DNAAF4: variants seen among roughly 807,000 people sequenced by gnomAD.
DNAAF4 encodes the protein dynein axonemal assembly factor 4.
DNAAF4 carries 43 observed loss-of-function variants against 51.8 expected under a neutral mutation model. The ratio of observed to expected loss-of-function variants is 0.83; its 90% CI spans 0.65 to 1.07. The LOEUF (loss-of-function observed/expected upper bound fraction) is 1.07. Among genes scored for constraint, DNAAF4 ranks in the 50% least tolerant of loss-of-function variants. DNAAF4 has a pLI of 0.00. For missense variants in DNAAF4, 581 were observed against 493.0 expected (o/e 1.18, Z -1.69); for synonymous variants, 194 against 165.6 (o/e 1.17, Z -1.32).
intron 3 of DNAAF4, among the ~76,000 whole-genome samples, chr15:55,492,094 C>G (rs1276644476): frequency 6.6e-6 from 1 of 151,722 alleles, no homozygotes; most frequent in Non-Finnish European, 1.5e-5. Context: ...TGGGCTCAAG[C>G]GATGCTCCTA....
At chr15:55,503,317 C>T (rs8043380) in intron 1 of DNAAF4, among the ~76,000 whole-genome samples, 42,952 of 152,008 alleles carry the variant, frequency 0.28, 9,466 homozygotes, top group African/African-American at 0.62. Flanking sequence ...CAGGACCAGA[C>T]GGATTCAGAG....
chr15:55,472,424 C>G (rs2058268329), intron 4 of DNAAF4, among the ~76,000 whole-genome samples: 1 of 152,072 alleles, frequency 6.6e-6, no homozygotes, highest in South Asian at 2.1e-4. Context: ...TCAAGAACAA[C>G]CTGGCCAACA....
At chr15:55,439,440 T>C (rs1268664768) in intron 7 of DNAAF4, 32 bp downstream of exon 7, 1 of 1,553,706 alleles carries the variant, frequency 6.4e-7, no homozygotes, top group Non-Finnish European at 8.9e-7. Flanking sequence ...TCATACATGA[T>C]AAAGCTCATG....
At chr15:55,438,223 C>T (rs1455741162) in intron 7 of DNAAF4, among the ~76,000 whole-genome samples, 5 of 151,822 alleles carry the variant, frequency 3.3e-5, no homozygotes, top group South Asian at 2.1e-4. Flanking sequence ...TGGTGGCAGG[C>T]GCCTGTAATC....
At chr15:55,497,648 T>G in intron 3 of DNAAF4, 64 bp downstream of exon 3, 5 of 1,529,212 alleles carry the variant, frequency 3.3e-6, no homozygotes, top group Non-Finnish European at 4.4e-6. Flanking sequence ...CAAAATAAAA[T>G]TTTTTAAAAG....
intron 4 of DNAAF4, among the ~76,000 whole-genome samples, chr15:55,489,048 C>T (rs769237913): frequency 1.3e-5 from 2 of 151,192 alleles, no homozygotes; most frequent in African/African-American, 4.9e-5. Context: ...GAGATTGCGC[C>T]GCTGCACTCC....
At chr15:55,423,743 AG>A (rs2057407245) in intron 7 of DNAAF4, among the ~76,000 whole-genome samples, 1 of 152,148 alleles carries the variant, frequency 6.6e-6, no homozygotes, top group Non-Finnish European at 1.5e-5. Flanking sequence ...ACTTAAGATA[AG>A]GAGTGCGAGA....
chr15:55,441,569 C>G (rs1162832982), intron 6 of DNAAF4, among the ~76,000 whole-genome samples: 1 of 151,508 alleles, frequency 6.6e-6, no homozygotes, highest in Non-Finnish European at 1.5e-5. Flanking sequence ...CCCCCTCCCA[C>G]CACCCCACAA....
Position 55,430,641 on chromosome 15 carries a change from T to G in DNAAF4, c.*29A>C. The G allele has an allele frequency of 6.2e-7, 1 of 1,602,420 alleles. No individual in the cohort carries two copies. Among genetic ancestry groups the G allele is most frequent in the South Asian group, 1.1e-5 (1 of 89,510 alleles). ...CCTCCAGTTGTTTTTAAAAAACTTA[T>G]AACAATACTTAGTTACTTCTAATAG... On this transcript the variant is annotated 3_prime_UTR_variant, in exon 10 of 10. Transcript: ENST00000321149.
chr15:55,447,864 G>GAGAGGAC (rs2057862402), intron 6 of DNAAF4, among the ~76,000 whole-genome samples: 1 of 131,756 alleles, frequency 7.6e-6, no homozygotes, highest in Non-Finnish European at 1.7e-5. Context: ...GGGGAGAGGG[G>GAGAGGAC]AGAGGGGAGA....
exon 8 of DNAAF4, chr15:55,417,864 G>C (rs1212989443): frequency 8.8e-6 from 3 of 339,282 alleles, no homozygotes; most frequent in African/African-American, 6.5e-5. Flanking sequence ...GATTTGGGTA[G>C]GTAATGGAAA....
intron 8 of DNAAF4, among the ~76,000 whole-genome samples, chr15:55,433,324 G>T (rs905216397): frequency 6.6e-6 from 1 of 151,968 alleles, no homozygotes; most frequent in Non-Finnish European, 1.5e-5. Context: ...CACACAAAAG[G>T]CCTCGGCCGG....
intron 4 of DNAAF4, among the ~76,000 whole-genome samples, chr15:55,475,017 C>CAT (rs1369036013): frequency 1.3e-5 from 2 of 151,976 alleles, no homozygotes; most frequent in Non-Finnish European, 2.9e-5. Flanking sequence ...ATAAGCAAGT[C>CAT]ATATATGTGT....
intron 4 of DNAAF4, among the ~76,000 whole-genome samples, chr15:55,481,812 C>T (rs1047779112): frequency 6.6e-6 from 1 of 152,196 alleles, no homozygotes; most frequent in African/African-American, 2.4e-5. Context: ...AAAACCCCAC[C>T]TCTCCATGCC....
intron 1 of DNAAF4, among the ~76,000 whole-genome samples, chr15:55,504,247 A>G (rs2058714732): frequency 6.6e-6 from 1 of 152,188 alleles, no homozygotes; most frequent in African/African-American, 2.4e-5. Context: ...GAGAACTACA[A>G]AACACTGCTC....
chr15:55,422,999 A>G, intron 7 of DNAAF4, among the ~76,000 whole-genome samples: 1 of 151,814 alleles, frequency 6.6e-6, no homozygotes, highest in African/African-American at 2.4e-5. Flanking sequence ...CCGTCTCAAA[A>G]ATAAATAAAT....
At chr15:55,418,597 G>A in intron 7 of DNAAF4, 1 of 1,329,030 alleles carries the variant, frequency 7.5e-7, no homozygotes, top group Non-Finnish European at 1.0e-6. Flanking sequence ...ATATTGAAGA[G>A]AAAATATACT....
chr15:55,439,431 C>G (rs370690392), intron 7 of DNAAF4, 41 bp downstream of exon 7: 21 of 1,521,894 alleles, frequency 1.4e-5, no homozygotes, highest in Non-Finnish European at 1.7e-5. Context: ...CTAATGTCTT[C>G]ATACATGATA....
At chr15:55,462,905 T>C (rs2058113716) in intron 5 of DNAAF4, among the ~76,000 whole-genome samples, 3 of 152,206 alleles carry the variant, frequency 2.0e-5, no homozygotes, top group African/African-American at 7.2e-5. Flanking sequence ...GTGTGGTGGC[T>C]CATGCCTGTA....
Sources: gnomAD v4.1 joint callset for allele counts (sites outside exome capture counted in the v4.1 genomes callset) on GRCh38, gnomAD v4.1.1 for gene constraint, MANE v1.5 for transcripts, NCBI Gene and HGNC (gene_info 2026-07-23, HGNC 2026-07-21) for gene names.